The following SSRP1 variants were observed in gnomAD, a reference collection of about 807,000 sequenced individuals.
The protein encoded by SSRP1 is structure specific recognition protein 1, also known as FACT complex subunit SSRP1.
A neutral mutation model predicts 84.4 loss-of-function variants in SSRP1; 21 were observed. The ratio of observed to expected loss-of-function variants is 0.25; its 90% CI spans 0.18 to 0.36. The LOEUF (loss-of-function observed/expected upper bound fraction) is 0.36, where lower values mean the gene tolerates loss of function less well. SSRP1 is among the 10% of genes least tolerant of loss of function. The probability of loss-of-function intolerance (pLI) is 1.00; values close to 1 mark genes in which losing one functional copy is unlikely to be tolerated. For synonymous variants in SSRP1, 319 were observed against 318.3 expected (o/e 1.00, Z -0.02); for missense variants, 519 against 900.8 (o/e 0.58, Z 5.43).
At position 57,330,340 on chromosome 11, in the gene SSRP1, G is replaced by A. The variant is rs1272278947; in HGVS notation, c.1386C>T (p.Ile462=). 6.2e-7 allele frequency: 1 copy of A among 1,614,150 alleles called. No individual in the cohort carries two copies. ...YLERMKEEGK[I]REENANDSSD... is the part of the protein sequence containing the mutation. ...TGCTGTCATTGGCATTCTCCTCCCG[G>A]ATCTTGCCTTCCTCCTTCATCCTCT... is the stretch of plus-strand genomic sequence containing the variant. Residue 462 remains isoleucine, a synonymous_variant, in exon 11 of 17, where the codon ATC becomes ATT. Transcript: ENST00000278412. This position sits in a 1 kb window ranked among gnomAD's most constrained non-coding sequence, Gnocchi z 4.0.
Position 57,330,032 on chromosome 11 carries a change from T to A in SSRP1, c.1481+61A>T. 2.5e-6 allele frequency: 4 copies of A among 1,600,340 alleles called. No individual in the cohort carries two copies. On this transcript the variant is annotated intron_variant, in intron 12 of 16. Transcript: ENST00000278412. This position sits in a 1 kb window ranked among gnomAD's most constrained non-coding sequence, Gnocchi z 4.0. The stretch of plus-strand genomic sequence containing the variant: ...GGGACCTGAGAAATGTCCAGAAATC[T>A]TCTGGTCCCTTAAGCTTATGGGTCA...
Position 57,332,441 on chromosome 11 carries a change from A to C in SSRP1, c.814T>G (p.Phe272Val). ...PIKQGQTRYH[F>V]LILLFSKDED... ...TCCTTGGAGAAGAGGAGGATCAGGA[A>C]GTGGTAGCGAGTTTGGCCTTGCTTG... is the stretch of plus-strand genomic sequence containing the variant. Residue 272 changes from phenylalanine to valine, a missense_variant, in exon 7 of 17, where the codon TTC (phenylalanine) becomes GTC (valine). This residue lies in a region of SSRP1 where 159 missense variants were observed against 359.0 expected (regional missense o/e 0.44). Transcript: ENST00000278412. This position sits in a 1 kb window ranked among gnomAD's most constrained non-coding sequence, Gnocchi z 5.5. The C allele has an allele frequency of 6.2e-7, 1 of 1,614,150 alleles. No individual in the cohort carries two copies. Among genetic ancestry groups the C allele is most frequent in the Non-Finnish European group, 8.5e-7 (1 of 1,180,020 alleles).
Position 57,332,274 on chromosome 11 carries a change from T to A in SSRP1, c.879A>T (p.Glu293Asp), listed in dbSNP as rs1274622816. 6.2e-7 allele frequency: 1 copy of A among 1,614,062 alleles called. No individual in the cohort carries two copies. The highest frequency in any genetic ancestry group is 1.3e-5 in the African/African-American group (1 of 75,020). Residue 293 changes from glutamate to aspartate, a missense_variant, in exon 8 of 17, where the codon GAA (glutamate) becomes GAT (aspartate). Physicochemically the swap from Glu to Asp is conservative, Grantham distance 45. This residue lies in a region of SSRP1 where 159 missense variants were observed against 359.0 expected (regional missense o/e 0.44). Coordinates refer to ENST00000278412, the MANE Select transcript of SSRP1 (RefSeq NM_003146.3). The surrounding 1 kb of genome is among the most constrained non-coding windows in gnomAD (Gnocchi z 5.5). Reference protein sequence around the residue: ...ISLTLNMNEEEVEKRFEGRLT... With the variant: ...ISLTLNMNEEDVEKRFEGRLT... ...GCCGACCCTCAAAGCGCTTCTCCAC[T>A]TCTTCCCTACAAAGAAAGCAAGGTG...
Position 57,330,796 on chromosome 11 carries a change from C to T in SSRP1, c.1296+59G>A, listed in dbSNP as rs1175815611. On this transcript the variant is annotated intron_variant, in intron 10 of 16. Transcript: ENST00000278412. The surrounding 1 kb of genome is among the most constrained non-coding windows in gnomAD (Gnocchi z 4.0). ...AAAAAGAAGCCGGAAAAAATCTCCA[C>T]CCCTTTCTCCCCTATAGAAAGACCA... 1.6e-5 allele frequency: 26 copies of T among 1,611,888 alleles called. No individual in the cohort carries two copies. Among genetic ancestry groups the T allele is most frequent in the Non-Finnish European group, 1.5e-5 (18 of 1,178,684 alleles).
In SSRP1 at chr11:57,334,523, A is replaced by G. The variant is rs141475248; in HGVS notation, c.180T>C (p.His60=). 1.0e-3 allele frequency: 1,633 copies of G among 1,614,136 alleles called. 5 individuals are homozygous for G. Among genetic ancestry groups the G allele is most frequent in the Non-Finnish European group, 1.3e-3 (1,480 of 1,180,056 alleles). The part of the protein sequence containing the change: ...EGIWRRVALG[H]GLKLLTKNGH... ...CATTCTTTGTAAGCAGTTTAAGTCC[A>G]TGGCCCAGAGCAACACGGCGCCAGA... is the stretch of plus-strand genomic sequence containing the variant. The change falls in exon 3 of 17, where the codon CAT becomes CAC. Residue 60 remains histidine (H), a synonymous_variant. Coordinates refer to ENST00000278412, the MANE Select transcript of SSRP1 (RefSeq NM_003146.3).
rs774256970 is a variant in SSRP1, at chr11:57,327,688, C to T, written c.1782+24G>A. The T allele has an allele frequency of 2.5e-6, 4 of 1,611,822 alleles. No individual in the cohort carries two copies. The Admixed American group carries it at 6.7e-5, about 27-fold the overall frequency. On this transcript the variant is annotated intron_variant, in intron 14 of 16. Transcript: ENST00000278412. ...CCTCTCGCCAGCCCATGAGAGGCAT[C>T]ACCCCTCCTCTGCTGCTACTCACCT...
At chr11:57,328,045 G>T in intron 13 of SSRP1, 163 bp from the exon 14 acceptor site, 1 of 955,424 alleles carries the variant, frequency 1.0e-6, no homozygotes, top group Non-Finnish European at 1.5e-6. Flanking sequence ...CTTCCCCTCT[G>T]CAATTCAGTG....
chr11:57,331,040 C>G (rs1350707394), intron 9 of SSRP1, 113 bp from the exon 10 acceptor site: 7 of 1,183,248 alleles, frequency 5.9e-6, no homozygotes, highest in Non-Finnish European at 8.6e-6. Flanking sequence ...GAGCTCTTGA[C>G]TATGCTACCC....
At chr11:57,327,298 A>G (rs927292749) in intron 15 of SSRP1, 128 bp downstream of exon 15, 10 of 970,790 alleles carry the variant, frequency 1.0e-5, no homozygotes, top group Admixed American at 2.1e-5. Flanking sequence ...CAGGTTTGAG[A>G]AGCACTACCC....
rs148006209 is a variant in SSRP1 at position 57,332,640 on chromosome 11, G to A, written c.753C>T (p.Arg251=). The A allele has an allele frequency of 1.8e-4, 285 of 1,613,022 alleles. No individual in the cohort carries two copies. Among genetic ancestry groups the A allele is most frequent in the Non-Finnish European group, 2.3e-4 (271 of 1,179,250 alleles). The change falls in exon 6 of 17, where the codon CGC becomes CGT. Residue 251 remains arginine, a synonymous_variant. Coordinates refer to ENST00000278412, the MANE Select transcript of SSRP1 (RefSeq NM_003146.3). This position sits in a 1 kb window ranked among gnomAD's most constrained non-coding sequence, Gnocchi z 5.5. ...TTCTGCTTACCACAAAGAACATCTG[G>A]CGCTGGTCCTTGTGGGGTAACAAAA... is the stretch of plus-strand genomic sequence containing the variant. ...RLFLLPHKDQ[R]QMFFVISLDP...
At chr11:57,329,846 C>A in intron 12 of SSRP1, 3 of 584,406 alleles carry the variant, frequency 5.1e-6, no homozygotes. Flanking sequence ...ACGAACCAGC[C>A]CCAACTGGCA....
chr11:57,326,706 G>A lies in SSRP1; in HGVS notation c.2055C>T (p.Ser685=), dbSNP rs758199473. The part of the protein sequence containing the change: ...ENKSKKKRRR[S]EDSEEEELAS... ...AGGCCCCACATTCCTGCCGCACCTC[G>A]CTCCTCCTCCTCTTCTTTTTGCTCT... Residue 685 remains serine, a synonymous_variant, in exon 16 of 17, where the codon AGC becomes AGT. Transcript: ENST00000278412. The A allele has an allele frequency of 1.9e-5, 30 of 1,612,466 alleles. No homozygotes were observed. The highest frequency in any genetic ancestry group is 4.4e-5 in the South Asian group (4 of 90,972).
chr11:57,335,810 G>C lies in SSRP1; in HGVS notation c.-200C>G, dbSNP rs902092671. On this transcript the variant is annotated 5_prime_UTR_variant, in exon 1 of 17. Transcript: ENST00000278412. The surrounding 1 kb of genome is among the most constrained non-coding windows in gnomAD (Gnocchi z 4.6). ...GGACGCGGGGGGGGCGCGGGGAGGG[G>C]GATGGGGGGACACCGGGGAAGCTTT... 1.6e-4 allele frequency: 25 copies of C among 152,284 alleles called. No homozygotes were observed. The highest frequency in any genetic ancestry group is 6.1e-4 in the African/African-American group (25 of 41,260). 9.4% of individuals were successfully genotyped at this position (152,284 alleles called of 1,614,324 possible).
At position 57,326,425 on chromosome 11, in the gene SSRP1, C is replaced by T. The variant is rs564469054; in HGVS notation, c.2112G>A (p.Ala704=). 10 of 1,614,176 alleles carry T rather than the reference C, an allele frequency of 6.2e-6. No individual in the cohort carries two copies. The highest frequency in any genetic ancestry group is 4.0e-5 in the African/African-American group (3 of 75,032). The change falls in exon 17 of 17, where the codon GCG becomes GCA. Residue 704 remains alanine, a synonymous_variant. Transcript: ENST00000278412. ...TCCGTTTCTACTCATCGGATCCTGACGCTGAGTCCTCTGAGCTGGGGGGAG... is the reference window on the plus strand; with the variant it reads ...TCCGTTTCTACTCATCGGATCCTGATGCTGAGTCCTCTGAGCTGGGGGGAG... ...ASTPPSSEDS[A]SGSDE is the part of the protein sequence containing the mutation.
At chr11:57,331,465 T>G (rs1262772431) in intron 9 of SSRP1, among the ~76,000 whole-genome samples, 4 of 152,032 alleles carry the variant, frequency 2.6e-5, no homozygotes, top group African/African-American at 7.2e-5. Flanking sequence ...TGTTTTGTTT[T>G]GTTTTGTTTT....
chr11:57,326,719 T>C lies in SSRP1; in HGVS notation c.2042A>G (p.Lys681Arg), dbSNP rs1419131854. The C allele has an allele frequency of 1.9e-6, 3 of 1,613,708 alleles. No homozygotes were observed. Among genetic ancestry groups the C allele is most frequent in the Non-Finnish European group, 2.5e-6 (3 of 1,179,776 alleles). The change falls in exon 16 of 17, where the codon AAG becomes AGG. Residue 681 changes from lysine (K) to arginine (R), a missense_variant. Physicochemically the swap from Lys to Arg is conservative, Grantham distance 26. This residue lies in a region of SSRP1 where 197 missense variants were observed against 265.0 expected (regional missense o/e 0.74). Coordinates refer to ENST00000278412, the MANE Select transcript of SSRP1 (RefSeq NM_003146.3). ...CTGCCGCACCTCGCTCCTCCTCCTCTTCTTTTTGCTCTTGTTCTCTCCCGA... is the reference window on the plus strand; with the variant it reads ...CTGCCGCACCTCGCTCCTCCTCCTCCTCTTTTTGCTCTTGTTCTCTCCCGA... ...SSSGENKSKK[K>R]RRRSEDSEEE...
At chr11:57,328,026 T>G (rs913876855) in intron 13 of SSRP1, 144 bp from the exon 14 acceptor site, 2 of 1,036,226 alleles carry the variant, frequency 1.9e-6, no homozygotes, top group Non-Finnish European at 2.8e-6. Context: ...AGGGCAAGGA[T>G]AGTATCTCCT....
chr11:57,328,468 C>T (rs1226861670), intron 12 of SSRP1, 42 bp from the exon 13 acceptor site: 3 of 1,611,392 alleles, frequency 1.9e-6, no homozygotes, highest in Non-Finnish European at 2.5e-6. Flanking sequence ...GGAGGGAAGA[C>T]AGGACCCCAC....
At chr11:57,327,955 T>C in intron 13 of SSRP1, 73 bp from the exon 14 acceptor site, 1 of 1,549,004 alleles carries the variant, frequency 6.5e-7, no homozygotes, top group Non-Finnish European at 8.8e-7. Flanking sequence ...ATTATTTAGA[T>C]CACTTAACTT....
Sources: gnomAD v4.1 joint callset for allele counts (sites outside exome capture counted in the v4.1 genomes callset) on GRCh38, gnomAD v4.1.1 for gene constraint, gnomAD v4.1.1 regional missense constraint, Gnocchi (gnomAD v3.1) non-coding constraint, MANE v1.5 for transcripts, NCBI Gene and HGNC (gene_info 2026-07-23, HGNC 2026-07-21) for gene names.